Variants in ERG observed in about 807,000 individuals in gnomAD.
ERG encodes the protein transcriptional regulator ERG.
In ERG, 9 loss-of-function variants were observed where a neutral mutation model predicts 55.3. That is an observed-to-expected ratio of 0.16 (90% CI 0.10 to 0.28). ERG has a LOEUF of 0.28. Among genes scored for constraint, ERG ranks in the 10% least tolerant of loss-of-function variants. The probability of loss-of-function intolerance (pLI) is 1.00; values close to 1 mark genes in which losing one functional copy is unlikely to be tolerated. For missense variants in ERG, 434 were observed against 631.6 expected (o/e 0.69, Z 3.35); for synonymous variants, 223 against 237.3 (o/e 0.94, Z 0.55).
At chr21:38,606,257 GTAGA>G (rs1466002303) in intron 1 of ERG, among the ~76,000 whole-genome samples, 4 of 152,144 alleles carry the variant, frequency 2.6e-5, no homozygotes, top group African/African-American at 9.7e-5. Context: ...AGATAGGTAG[GTAGA>G]TAGGTGACTG....
At chr21:38,584,032 G>T (rs2060046793) in intron 1 of ERG, among the ~76,000 whole-genome samples, 1 of 152,204 alleles carries the variant, frequency 6.6e-6, no homozygotes, top group Admixed American at 6.5e-5. Context: ...CACAGTCAGG[G>T]CATGGCCTCA....
At chr21:38,660,236 C>A (rs2060543859) in intron 1 of ERG, among the ~76,000 whole-genome samples, 1 of 152,262 alleles carries the variant, frequency 6.6e-6, no homozygotes. Flanking sequence ...GGACAAATAA[C>A]CTCTTGGTCG....
chr21:38,555,039 A>T (rs1398831995), intron 2 of ERG, among the ~76,000 whole-genome samples: 3 of 152,204 alleles, frequency 2.0e-5, no homozygotes, highest in Non-Finnish European at 2.9e-5. Flanking sequence ...GACATGTTAA[A>T]AATCTGGCCA....
chr21:38,562,698 T>C (rs2146838205), intron 2 of ERG, among the ~76,000 whole-genome samples: 1 of 152,362 alleles, frequency 6.6e-6, no homozygotes, highest in East Asian at 1.9e-4. Context: ...CAACACAGTT[T>C]CTAGCAAGAT....
upstream of ERG, among the ~76,000 whole-genome samples, chr21:38,589,254 G>A (rs1272866346): frequency 3.9e-5 from 6 of 152,166 alleles, no homozygotes; most frequent in Non-Finnish European, 2.9e-5. Context: ...TGGGGAGAAG[G>A]CTCCACTCCC....
chr21:38,511,556 T>C (rs1041060051), intron 2 of ERG, among the ~76,000 whole-genome samples: 1 of 152,242 alleles, frequency 6.6e-6, no homozygotes, highest in African/African-American at 2.4e-5. Flanking sequence ...AAGCACATCA[T>C]GATTTAAAGT....
chr21:38,423,561 C>T lies in ERG; in HGVS notation c.237G>A (p.Arg79=), dbSNP rs1399337196. Residue 79 remains arginine (R), a splice_region_variant and synonymous_variant, in exon 3 of 10, where the codon AGG becomes AGA. Transcript: ENST00000288319. ...CCACACTGCATTCATCAGGAGAGTT[C>T]CTGGAGGAGAAGAAATATTCTTCCA... is the stretch of plus-strand genomic sequence containing the variant. ...ECNPSQVNGS[R]NSPDECSVAK... is the part of the protein sequence containing the mutation. 1 of 1,605,434 alleles carries T rather than the reference C, an allele frequency of 6.2e-7. No individual in the cohort carries two copies. Among genetic ancestry groups the T allele is most frequent in the Admixed American group, 1.7e-5 (1 of 59,300 alleles).
chr21:38,437,105 T>C (rs957954657), intron 2 of ERG, among the ~76,000 whole-genome samples: 2 of 152,110 alleles, frequency 1.3e-5, no homozygotes, highest in Non-Finnish European at 2.9e-5. Context: ...GCCAGGCTGG[T>C]CTTGAACTCC....
chr21:38,536,146 TGGTA>T (rs1179987359), intron 2 of ERG, among the ~76,000 whole-genome samples: 5 of 152,140 alleles, frequency 3.3e-5, no homozygotes, highest in African/African-American at 1.2e-4. Flanking sequence ...AATATCTTGC[TGGTA>T]AGTTACCCCT....
Position 38,383,490 on chromosome 21 carries a change from T to G in ERG, c.1353A>C (p.Pro451=). 2 of 1,541,130 alleles carry G rather than the reference T, an allele frequency of 1.3e-6. No homozygotes were observed. Among genetic ancestry groups the G allele is most frequent in the Non-Finnish European group, 8.8e-7 (1 of 1,141,574 alleles). Residue 451 remains proline, a synonymous_variant, in exon 10 of 10, where the codon CCA becomes CCC. Transcript: ENST00000288319. The surrounding 1 kb of genome is among the most constrained non-coding windows in gnomAD (Gnocchi z 5.7). The part of the protein sequence containing the change: ...TSSSFFAAPN[P]YWNSPTGGIY... ...TACCCCCAGTTGGTGAATTCCAGTA[T>G]GGGTTTGGGGCAGCAAAAAAACTGG...
upstream of ERG, chr21:38,502,745 T>G (rs1196686390): frequency 6.6e-6 from 1 of 151,586 alleles, no homozygotes; most frequent in African/African-American, 2.4e-5. Context: ...TTTTTTTTTT[T>G]TTTTTGAGTC....
chr21:38,483,615 G>T (rs974581340), intron 1 of ERG, among the ~76,000 whole-genome samples: 1 of 152,160 alleles, frequency 6.6e-6, no homozygotes, highest in Non-Finnish European at 1.5e-5. Flanking sequence ...TTGGGAGGCT[G>T]AGGCAGGTGG....
intron 1 of ERG, among the ~76,000 whole-genome samples, chr21:38,446,226 C>CAAAAAAAAAA (rs71184626): frequency 1.6e-5 from 1 of 63,596 alleles, no homozygotes; most frequent in Non-Finnish European, 2.7e-5. Context: ...ATAAATGAAC[C>CAAAAAAAAAA]AAAAAAAAAA....
intron 2 of ERG, among the ~76,000 whole-genome samples, chr21:38,571,238 G>A (rs994631478): frequency 3.3e-5 from 5 of 152,152 alleles, no homozygotes; most frequent in Non-Finnish European, 7.3e-5. Flanking sequence ...AATAAAAAAA[G>A]TACTTGGTCA....
chr21:38,483,975 T>C (rs1013931811), intron 1 of ERG, among the ~76,000 whole-genome samples: 2 of 152,198 alleles, frequency 1.3e-5, no homozygotes, highest in African/African-American at 4.8e-5. Flanking sequence ...ATGCAGGAAG[T>C]TATTTATTCA....
intron 1 of ERG, among the ~76,000 whole-genome samples, chr21:38,652,293 C>T (rs1344927702): frequency 6.6e-6 from 1 of 152,162 alleles, no homozygotes; most frequent in Non-Finnish European, 1.5e-5. Context: ...AGCTCAAGGG[C>T]CTCAGCCTCC....
intron 2 of ERG, among the ~76,000 whole-genome samples, chr21:38,547,318 G>A (rs939882294): frequency 6.6e-6 from 1 of 152,196 alleles, no homozygotes; most frequent in Non-Finnish European, 1.5e-5. Flanking sequence ...AAGAAGGTAC[G>A]AAGATGCATT....
chr21:38,661,410 C>T (rs2060555635), intron 1 of ERG, among the ~76,000 whole-genome samples: 1 of 152,166 alleles, frequency 6.6e-6, no homozygotes, highest in South Asian at 2.1e-4. Flanking sequence ...AGGCGCGGTG[C>T]CCGGGACCTC....
chr21:38,542,115 A>T (rs2059757222), intron 2 of ERG, among the ~76,000 whole-genome samples: 3 of 151,960 alleles, frequency 2.0e-5, no homozygotes, highest in Middle Eastern at 6.8e-3. Flanking sequence ...GGTTCAAGTG[A>T]TTCTCCTGAC....
Sources: gnomAD v4.1 joint callset for allele counts (sites outside exome capture counted in the v4.1 genomes callset) on GRCh38, gnomAD v4.1.1 for gene constraint, Gnocchi (gnomAD v3.1) non-coding constraint, MANE v1.5 for transcripts, NCBI Gene and HGNC (gene_info 2026-07-23, HGNC 2026-07-21) for gene names.